The following DUSP7 variants were observed in gnomAD, a reference collection of about 807,000 sequenced individuals.
The protein encoded by DUSP7 is dual specificity protein phosphatase 7.
In DUSP7, 7 loss-of-function variants were observed where a neutral mutation model predicts 29.8. The observed-to-expected ratio is 0.24, with a 90% CI of 0.13 to 0.44. The LOEUF (loss-of-function observed/expected upper bound fraction) is 0.44, where lower values mean the gene tolerates loss of function less well. Ranked by LOEUF, DUSP7 falls within the 20% of genes least tolerant of loss-of-function variation. DUSP7 has a pLI of 1.00. For missense variants in DUSP7, 400 were observed against 583.7 expected (o/e 0.69, Z 3.24); for synonymous variants, 287 against 275.4 (o/e 1.04, Z -0.42).
In DUSP7 at chr3:52,051,103, C is replaced by A; in HGVS notation, c.972G>T (p.Lys324Asn). Residue 324 changes from lysine (K) to asparagine (N), a missense_variant, in exon 3 of 3, where the codon AAG becomes AAT. This residue lies in a region of DUSP7 where 223 missense variants were observed against 360.9 expected (regional missense o/e 0.62). Coordinates refer to ENST00000495880, the MANE Select transcript of DUSP7 (RefSeq NM_001947.4). The surrounding 1 kb of genome is among the most constrained non-coding windows in gnomAD (Gnocchi z 4.8). ...CCAGGCAGTGCACCAGGACACCACA[C>A]TTCTTGGAGCGGGCTTCGTCTGAAA... ...ISFIDEARSKKCGVLVHCLAG... is the reference protein window; with the variant it reads ...ISFIDEARSKNCGVLVHCLAG... The A allele has an allele frequency of 6.2e-7, 1 of 1,609,818 alleles. No individual in the cohort carries two copies. Among genetic ancestry groups the A allele is most frequent in the East Asian group, 2.2e-5 (1 of 44,820 alleles).
Position 52,056,158 on chromosome 3 carries a change from G to A in DUSP7, c.209C>T (p.Ala70Val). 1.3e-6 allele frequency: 2 copies of A among 1,591,642 alleles called. No homozygotes were observed. Among genetic ancestry groups the A allele is most frequent in the East Asian group, 2.3e-5 (1 of 44,350 alleles). Residue 70 changes from alanine to valine, a missense_variant, in exon 1 of 3, where the codon GCG becomes GTG. Ala to Val is a moderately conservative substitution (Grantham distance 64). Around this residue, in one of 4 missense-constraint regions of DUSP7, gnomAD observed 223 missense variants for 360.9 expected, o/e 0.62. Transcript: ENST00000495880. The surrounding 1 kb of genome is among the most constrained non-coding windows in gnomAD (Gnocchi z 6.4). ...LQEELEARGG[A>V]SLLLLDCRPH... ...CCGGCAGTCGAGCAGCAGCAAGGACGCGCCGCCGCGCGCCTCCAGCTCCTC... is the reference window on the plus strand; with the variant it reads ...CCGGCAGTCGAGCAGCAGCAAGGACACGCCGCCGCGCGCCTCCAGCTCCTC...
chr3:52,054,214 G>C lies in DUSP7; in HGVS notation c.678C>G (p.Pro226=), dbSNP rs1701873604. The change falls in exon 2 of 3, where the codon CCC becomes CCG. Residue 226 remains proline, a synonymous_variant. Coordinates refer to ENST00000495880, the MANE Select transcript of DUSP7 (RefSeq NM_001947.4). The surrounding 1 kb of genome is among the most constrained non-coding windows in gnomAD (Gnocchi z 4.1). The part of the protein sequence containing the change: ...CSDGESDREL[P]SSATESDGSP... ...TGCCGTCTGACTCGGTGGCACTGCT[G>C]GGCAGCTCTCGGTCCGACTCGCCGT... is the stretch of plus-strand genomic sequence containing the variant. 6.2e-7 allele frequency: 1 copy of C among 1,611,864 alleles called. No individual in the cohort carries two copies. Among genetic ancestry groups the C allele is most frequent in the Non-Finnish European group, 8.5e-7 (1 of 1,178,450 alleles).
rs1701904124 is a variant in DUSP7, at chr3:52,056,547, C to G, written c.-181G>C. The G allele has an allele frequency of 5.9e-6, 1 of 169,972 alleles. No individual in the cohort carries two copies. Among genetic ancestry groups the G allele is most frequent in the Non-Finnish European group, 1.2e-5 (1 of 86,106 alleles). The allele number at this position is 169,972 out of a possible 1,614,324, so 10.5% of individuals were successfully genotyped here. A position where few individuals can be genotyped will look rare whatever the true frequency, so the allele number is the denominator to read the frequency against. The stretch of plus-strand genomic sequence containing the variant: ...CGCCCGCCCGGCCCTCCGCGCGCAC[C>G]GCGGCCTGACAGCCCCAATTAAACG... On this transcript the variant is annotated 5_prime_UTR_variant, in exon 1 of 3. Coordinates refer to ENST00000495880, the MANE Select transcript of DUSP7 (RefSeq NM_001947.4). The surrounding 1 kb of genome is among the most constrained non-coding windows in gnomAD (Gnocchi z 6.4).
Position 52,053,268 on chromosome 3 carries a change from C to CCCGAGT in DUSP7, c.952+666_952+671dup, listed in dbSNP as rs1326761907. 1 of 154,024 alleles carries CCCGAGT rather than the reference C, an allele frequency of 6.5e-6. No homozygotes were observed. Among genetic ancestry groups the CCCGAGT allele is most frequent in the Non-Finnish European group, 1.4e-5 (1 of 69,252 alleles). 9.5% of individuals were successfully genotyped at this position (154,024 alleles called of 1,614,324 possible). ...CTGGCCAAGGAGAAAGCAGTGGGGACCCGAGTCTGCTGAGGCTGGGGATAC... is the reference window on the plus strand; with the variant it reads ...CTGGCCAAGGAGAAAGCAGTGGGGACCCGAGTCCGAGTCTGCTGAGGCTGGGGATAC... On this transcript the variant is annotated intron_variant, in intron 2 of 2. Coordinates refer to ENST00000495880, the MANE Select transcript of DUSP7 (RefSeq NM_001947.4). This position sits in a 1 kb window ranked among gnomAD's most constrained non-coding sequence, Gnocchi z 4.6.
Position 52,056,079 on chromosome 3 carries a change from G to T in DUSP7, c.288C>A (p.Ile96=). The T allele has an allele frequency of 9.3e-6, 15 of 1,606,910 alleles. No homozygotes were observed. The highest frequency in any genetic ancestry group is 1.3e-5 in the Non-Finnish European group (15 of 1,177,632). The change falls in exon 1 of 3, where the codon ATC becomes ATA. Residue 96 remains isoleucine (I), a synonymous_variant. Coordinates refer to ENST00000495880, the MANE Select transcript of DUSP7 (RefSeq NM_001947.4). The surrounding 1 kb of genome is among the most constrained non-coding windows in gnomAD (Gnocchi z 6.4). ...SHIETAINLA[I]PGLMLRRLRK... ...GCAGGCGGCGCAACATGAGGCCCGG[G>T]ATGGCCAGGTTGATGGCCGTCTCGA...
Position 52,054,438 on chromosome 3 carries a change from G to A in DUSP7, c.518-64C>T. ...GTGAGAGCCCAGATGGGCTGCACAAGACCAGAGATGGCCAGGACTCTGCAC... is the reference window on the plus strand; with the variant it reads ...GTGAGAGCCCAGATGGGCTGCACAAAACCAGAGATGGCCAGGACTCTGCAC... On this transcript the variant is annotated intron_variant, in intron 1 of 2. Coordinates refer to ENST00000495880, the MANE Select transcript of DUSP7 (RefSeq NM_001947.4). This position sits in a 1 kb window ranked among gnomAD's most constrained non-coding sequence, Gnocchi z 4.1. The A allele has an allele frequency of 7.2e-7, 1 of 1,392,312 alleles. No individual in the cohort carries two copies. 86.2% of individuals were successfully genotyped at this position (1,392,312 alleles called of 1,614,324 possible).
chr3:52,055,752 G>T, intron 1 of DUSP7, 98 bp downstream of exon 1: 4 of 1,376,504 alleles, frequency 2.9e-6, no homozygotes, highest in Non-Finnish European at 3.8e-6. Flanking sequence ...GCCCAGAGGG[G>T]CAGGCCGAGC....
chr3:52,053,480 C>T lies in DUSP7; in HGVS notation c.952+460G>A, dbSNP rs1701866544. 4 of 203,680 alleles carry T rather than the reference C, an allele frequency of 2.0e-5. No individual in the cohort carries two copies. The South Asian group carries it at 3.4e-4, about 17-fold the overall frequency. 12.6% of individuals were successfully genotyped at this position (203,680 alleles called of 1,614,324 possible). A position where few individuals can be genotyped will look rare whatever the true frequency, so the allele number is the denominator to read the frequency against. ...TCAATAGCTGCCTGTTTGGGGTGTG[C>T]CTCTGGCTCCAGGGCTACCTTTCAG... On this transcript the variant is annotated intron_variant, in intron 2 of 2. Coordinates refer to ENST00000495880, the MANE Select transcript of DUSP7 (RefSeq NM_001947.4). This position sits in a 1 kb window ranked among gnomAD's most constrained non-coding sequence, Gnocchi z 4.6.
In DUSP7 at chr3:52,051,832, G is replaced by A. The variant is rs769253309; in HGVS notation, c.953-710C>T. ...CCAAGGCCTTAACTCCAGCTCCTAAGACACATGGACTGGGATGATGGCCAC... is the reference window on the plus strand; with the variant it reads ...CCAAGGCCTTAACTCCAGCTCCTAAAACACATGGACTGGGATGATGGCCAC... On this transcript the variant is annotated intron_variant, in intron 2 of 2. Transcript: ENST00000495880. The surrounding 1 kb of genome is among the most constrained non-coding windows in gnomAD (Gnocchi z 4.8). The A allele has an allele frequency of 6.6e-6, 1 of 152,294 alleles. No homozygotes were observed. The highest frequency in any genetic ancestry group is 1.5e-5 in the Non-Finnish European group (1 of 68,092). 9.4% of individuals were successfully genotyped at this position (152,294 alleles called of 1,614,324 possible).
chr3:52,049,859 G>A lies in DUSP7; in HGVS notation c.*956C>T, dbSNP rs1701828981. On this transcript the variant is annotated 3_prime_UTR_variant, in exon 3 of 3. Transcript: ENST00000495880. ...GCTCAGAGCCCAGGCCTTCTTAGGG[G>A]CTGACCCCAGAGGGCTAATGCTACT... 1 of 152,260 alleles carries A rather than the reference G, an allele frequency of 6.6e-6. No individual in the cohort carries two copies. The highest frequency in any genetic ancestry group is 2.4e-5 in the African/African-American group (1 of 41,452). The allele number at this position is 152,260 out of a possible 1,614,324, so 9.4% of individuals were successfully genotyped here. A position where few individuals can be genotyped will look rare whatever the true frequency, so the allele number is the denominator to read the frequency against.
chr3:52,049,869 G>C lies in DUSP7; in HGVS notation c.*946C>G, dbSNP rs143679846. On this transcript the variant is annotated 3_prime_UTR_variant, in exon 3 of 3. Transcript: ENST00000495880. ...CAGGCCTTCTTAGGGGCTGACCCCAGAGGGCTAATGCTACTGCCTGGCAGC... is the reference window on the plus strand; with the variant it reads ...CAGGCCTTCTTAGGGGCTGACCCCACAGGGCTAATGCTACTGCCTGGCAGC... The C allele has an allele frequency of 6.6e-6, 1 of 152,380 alleles. No individual in the cohort carries two copies. The highest frequency in any genetic ancestry group is 1.5e-5 in the Non-Finnish European group (1 of 68,052). 9.4% of individuals were successfully genotyped at this position (152,380 alleles called of 1,614,324 possible). A position where few individuals can be genotyped will look rare whatever the true frequency, so the allele number is the denominator to read the frequency against.
At position 52,054,310 on chromosome 3, in the gene DUSP7, G is replaced by C; in HGVS notation, c.582C>G (p.Ser194=). ...AGGTGGGTGGCGAGCTGCTCGGCGAGGAAGAGCTGTCCACGTTGGTCTCGC... is the reference window on the plus strand; with the variant it reads ...AGGTGGGTGGCGAGCTGCTCGGCGACGAAGAGCTGTCCACGTTGGTCTCGC... ...EHCETNVDSS[S]SPSSSPPTSV... The change falls in exon 2 of 3, where the codon TCC becomes TCG. Residue 194 remains serine (S), a synonymous_variant. Transcript: ENST00000495880. The surrounding 1 kb of genome is among the most constrained non-coding windows in gnomAD (Gnocchi z 4.1). 6.3e-7 allele frequency: 1 copy of C among 1,581,342 alleles called. No individual in the cohort carries two copies.
rs1004902286 is a variant in DUSP7 at position 52,053,557 on chromosome 3, TG to T, written c.952+382del. ...AAGAGGCACTATGACAACCCCATCC[TG>T]GAGAGACACGTGTGCTGAGGCGTGA... On this transcript the variant is annotated intron_variant, in intron 2 of 2. Coordinates refer to ENST00000495880, the MANE Select transcript of DUSP7 (RefSeq NM_001947.4). This position sits in a 1 kb window ranked among gnomAD's most constrained non-coding sequence, Gnocchi z 4.6. 7.6e-6 allele frequency: 2 copies of T among 261,626 alleles called. No homozygotes were observed. The highest frequency in any genetic ancestry group is 4.4e-5 in the African/African-American group (2 of 45,570). 16.2% of individuals were successfully genotyped at this position (261,626 alleles called of 1,614,324 possible).
chr3:52,052,233 C>T (rs375207466), intron 2 of DUSP7: 1 of 152,432 alleles, frequency 6.6e-6, no homozygotes. Context: ...CTGAACCCTC[C>T]AGGAGCCAGG....
chr3:52,056,314 C>T lies in DUSP7; in HGVS notation c.53G>A (p.Gly18Glu). The T allele has an allele frequency of 8.4e-7, 1 of 1,189,168 alleles. No individual in the cohort carries two copies. The highest frequency in any genetic ancestry group is 1.6e-5 in the African/African-American group (1 of 62,236). The allele number at this position is 1,189,168 out of a possible 1,614,324, so 73.7% of individuals were successfully genotyped here. ...CCGGGTGCCCCCAGCCGCCGCCGCCCCCGAAGTCGACATGTGCGCCCGCGC... is the reference window on the plus strand; with the variant it reads ...CCGGGTGCCCCCAGCCGCCGCCGCCTCCGAAGTCGACATGTGCGCCCGCGC... ...PPARAHMSTS[G>E]AAAAGGTRAG... Residue 18 changes from glycine (G) to glutamate (E), a missense_variant, in exon 1 of 3, where the codon GGG becomes GAG. Transcript: ENST00000495880. The surrounding 1 kb of genome is among the most constrained non-coding windows in gnomAD (Gnocchi z 6.4).
chr3:52,054,274 G>T lies in DUSP7; in HGVS notation c.618C>A (p.Gly206=). 1 of 1,604,726 alleles carries T rather than the reference G, an allele frequency of 6.2e-7. No individual in the cohort carries two copies. The highest frequency in any genetic ancestry group is 1.1e-5 in the South Asian group (1 of 89,878). Residue 206 remains glycine (G), a synonymous_variant, in exon 2 of 3, where the codon GGC becomes GGA. Transcript: ENST00000495880. This position sits in a 1 kb window ranked among gnomAD's most constrained non-coding sequence, Gnocchi z 4.1. ...CAGAGCTGATGCGCAGGCCCCCCAG[G>T]CCCAGCACTGAGGTGGGTGGCGAGC... ...PSSSPPTSVL[G]LGGLRISSDC...
chr3:52,052,820 C>T (rs1701859112), intron 2 of DUSP7: 1 of 152,342 alleles, frequency 6.6e-6, no homozygotes, highest in African/African-American at 2.4e-5. Context: ...TATTCCCCTC[C>T]CTCGTTGGGG....
chr3:52,048,940 T>C lies in DUSP7; in HGVS notation c.*1875A>G, dbSNP rs1701815706. 1 of 152,142 alleles carries C rather than the reference T, an allele frequency of 6.6e-6. No homozygotes were observed. Among genetic ancestry groups the C allele is most frequent in the Admixed American group, 6.5e-5 (1 of 15,276 alleles). 9.4% of individuals were successfully genotyped at this position (152,142 alleles called of 1,614,324 possible). A position where few individuals can be genotyped will look rare whatever the true frequency, so the allele number is the denominator to read the frequency against. On this transcript the variant is annotated 3_prime_UTR_variant, in exon 3 of 3. Coordinates refer to ENST00000495880, the MANE Select transcript of DUSP7 (RefSeq NM_001947.4). ...CTCATTTTAAAGAAAAAATAATATT[T>C]ATTTGCAATATAAACAAAGTCCCGT...
At chr3:52,055,772 G>A (rs961052850) in intron 1 of DUSP7, 78 bp downstream of exon 1, 3 of 1,437,998 alleles carry the variant, frequency 2.1e-6, no homozygotes, top group Non-Finnish European at 1.8e-6. Flanking sequence ...CGCGTGGAGA[G>A]GAAAGCGCCT....
Sources: gnomAD v4.1 joint callset for allele counts on GRCh38, gnomAD v4.1.1 for gene constraint, gnomAD v4.1.1 regional missense constraint, Gnocchi (gnomAD v3.1) non-coding constraint, MANE v1.5 for transcripts, NCBI Gene and HGNC (gene_info 2026-07-23, HGNC 2026-07-21) for gene names.